Variants in DPYSL3 observed in about 807,000 individuals in gnomAD.
DPYSL3 encodes the protein dihydropyrimidinase-related protein 3.
Under a neutral mutation model 66.1 loss-of-function variants are expected in DPYSL3, and 16 were observed. The observed-to-expected ratio is 0.24, with a 90% CI of 0.16 to 0.37. DPYSL3 has a LOEUF of 0.37. Among genes scored for constraint, DPYSL3 ranks in the 10% least tolerant of loss-of-function variants. The pLI is 1.00. For synonymous variants in DPYSL3, 338 were observed against 345.1 expected (o/e 0.98, Z 0.23); for missense variants, 738 against 916.2 (o/e 0.81, Z 2.51).
intron 1 of DPYSL3, among the ~76,000 whole-genome samples, chr5:147,485,474 T>C (rs1396678443): frequency 1.3e-5 from 2 of 152,226 alleles, no homozygotes; most frequent in Non-Finnish European, 2.9e-5. Context: ...CATATGAATA[T>C]GACATTATTT....
chr5:147,460,540 G>T (rs1752916624), intron 1 of DPYSL3, among the ~76,000 whole-genome samples: 1 of 152,162 alleles, frequency 6.6e-6, no homozygotes, highest in Admixed American at 6.5e-5. Flanking sequence ...GATTATTCAG[G>T]CAGTCCCAGT....
chr5:147,488,422 C>T (rs1344076486), intron 1 of DPYSL3, among the ~76,000 whole-genome samples: 2 of 152,182 alleles, frequency 1.3e-5, no homozygotes, highest in Non-Finnish European at 2.9e-5. Context: ...ATCTCTGCCA[C>T]CATCCTTTGA....
At chr5:147,452,924 C>T (rs1432651516) in intron 1 of DPYSL3, among the ~76,000 whole-genome samples, 27 of 126,110 alleles carry the variant, frequency 2.1e-4, no homozygotes, top group African/African-American at 8.6e-4. Context: ...CACACACACA[C>T]ACATAAAGTT....
chr5:147,460,087 G>A (rs1379468957), intron 1 of DPYSL3, among the ~76,000 whole-genome samples: 1 of 151,914 alleles, frequency 6.6e-6, no homozygotes, highest in Non-Finnish European at 1.5e-5. Flanking sequence ...CTCCAGCCTG[G>A]GCGACAGAAC....
chr5:147,412,476 G>T, intron 6 of DPYSL3, 132 bp downstream of exon 6: 1 of 811,660 alleles, frequency 1.2e-6, no homozygotes, highest in Non-Finnish European at 2.0e-6. Flanking sequence ...GTACCTTGGA[G>T]CAGGTTCTGT....
At chr5:147,448,047 A>G (rs1225154665) in intron 1 of DPYSL3, among the ~76,000 whole-genome samples, 1 of 152,198 alleles carries the variant, frequency 6.6e-6, no homozygotes, top group Non-Finnish European at 1.5e-5. Flanking sequence ...AAATATGTCA[A>G]TAGGTAAAGA....
At chr5:147,412,264 G>C (rs753055109) in intron 6 of DPYSL3, among the ~76,000 whole-genome samples, 3 of 152,220 alleles carry the variant, frequency 2.0e-5, no homozygotes, top group Non-Finnish European at 4.4e-5. Context: ...CTTTATGACA[G>C]AGAATGTCTT....
intron 1 of DPYSL3, chr5:147,453,412 C>T (rs1168989850): frequency 9.1e-6 from 12 of 1,311,726 alleles, no homozygotes; most frequent in Middle Eastern, 2.8e-4. Flanking sequence ...CGCCGCGCTC[C>T]GCCACCCGGA....
chr5:147,443,185 A>G (rs1752565993), intron 1 of DPYSL3, among the ~76,000 whole-genome samples: 1 of 152,232 alleles, frequency 6.6e-6, no homozygotes. Flanking sequence ...TACTATAAAG[A>G]CACATGCACA....
At position 147,412,646 on chromosome 5, in the gene DPYSL3, C is replaced by T. The variant is rs775095992; in HGVS notation, c.925G>A (p.Ala309Thr). 1 of 1,612,992 alleles carries T rather than the reference C, an allele frequency of 6.2e-7. No homozygotes were observed. The highest frequency in any genetic ancestry group is 8.5e-7 in the Non-Finnish European group (1 of 1,179,584). Reference sequence around the variant, plus strand: ...TCCCCATTCTCAGCATGAACTTGAGCAATGGCCCCCAGCTCTCCCAGGCAG... The same window carrying T: ...TCCCCATTCTCAGCATGAACTTGAGTAATGGCCCCCAGCTCTCCCAGGCAG... ...FTCLGELGAIAQVHAENGDII... is the reference protein window; with the variant it reads ...FTCLGELGAITQVHAENGDII... The change falls in exon 6 of 14, where the codon GCT becomes ACT. Residue 309 changes from alanine (A) to threonine (T), a missense_variant. Coordinates refer to ENST00000343218, the MANE Select transcript of DPYSL3 (RefSeq NM_001197294.2).
intron 1 of DPYSL3, among the ~76,000 whole-genome samples, chr5:147,469,834 G>T (rs965392306): frequency 2.0e-5 from 3 of 152,152 alleles, no homozygotes; most frequent in African/African-American, 7.2e-5. Flanking sequence ...CTGCATACAG[G>T]ATGTTTCCAC....
intron 1 of DPYSL3, among the ~76,000 whole-genome samples, chr5:147,504,078 A>C (rs1379022821): frequency 6.6e-6 from 1 of 152,228 alleles, no homozygotes; most frequent in East Asian, 1.9e-4. Flanking sequence ...CTCCTCAGAC[A>C]GATTTCCTCT....
At chr5:147,413,344 G>T (rs531576557) in intron 5 of DPYSL3, among the ~76,000 whole-genome samples, 9 of 152,296 alleles carry the variant, frequency 5.9e-5, no homozygotes, top group Admixed American at 5.9e-4. Flanking sequence ...GGAAATTTAG[G>T]CATGTTCCTC....
At chr5:147,462,513 A>C (rs2126412028) in intron 1 of DPYSL3, among the ~76,000 whole-genome samples, 1 of 152,274 alleles carries the variant, frequency 6.6e-6, no homozygotes, top group Non-Finnish European at 1.5e-5. Context: ...CAGGGGCCTG[A>C]TATCTCAGAT....
At chr5:147,502,571 CTTTTTTTTTTT>C (rs71001435) in intron 1 of DPYSL3, among the ~76,000 whole-genome samples, 13 of 95,202 alleles carry the variant, frequency 1.4e-4, no homozygotes, top group African/African-American at 5.8e-4. Flanking sequence ...CTTAATAATG[CTTTTTTTTTTT>C]TTTTTTTTTT....
chr5:147,438,533 C>T (rs1752457212), intron 1 of DPYSL3, among the ~76,000 whole-genome samples: 1 of 152,186 alleles, frequency 6.6e-6, no homozygotes, highest in Non-Finnish European at 1.5e-5. Context: ...CGGCAAAGAC[C>T]ATGTTAACAT....
chr5:147,430,060 A>C (rs984877791), intron 1 of DPYSL3, among the ~76,000 whole-genome samples: 1 of 152,172 alleles, frequency 6.6e-6, no homozygotes, highest in Non-Finnish European at 1.5e-5. Flanking sequence ...TAACCATAAA[A>C]AACTCAGTGC....
At chr5:147,458,572 T>C (rs2126406985) in intron 1 of DPYSL3, among the ~76,000 whole-genome samples, 1 of 152,310 alleles carries the variant, frequency 6.6e-6, no homozygotes, top group East Asian at 1.9e-4. Flanking sequence ...AATTCTTTCT[T>C]GCACAAGATC....
Position 147,509,848 on chromosome 5 carries a change from C to T in DPYSL3, c.11G>A (p.Gly4Asp), listed in dbSNP as rs1753734811. Reference sequence around the variant, plus strand: ...GTGGGAGCTGTCCCAGCCCCTCCGGCCCGAGGCCATGGTTCAAGCACGAAA... The same window carrying T: ...GTGGGAGCTGTCCCAGCCCCTCCGGTCCGAGGCCATGGTTCAAGCACGAAA... MASGRRGWDSSHED... is the reference protein window; with the variant it reads MASDRRGWDSSHED... Residue 4 changes from glycine to aspartate, a missense_variant, in exon 1 of 14, where the codon GGC becomes GAC. Coordinates refer to ENST00000343218, the MANE Select transcript of DPYSL3 (RefSeq NM_001197294.2). This position sits in a 1 kb window ranked among gnomAD's most constrained non-coding sequence, Gnocchi z 5.3. 6.5e-7 allele frequency: 1 copy of T among 1,528,774 alleles called. No individual in the cohort carries two copies. The highest frequency in any genetic ancestry group is 8.8e-7 in the Non-Finnish European group (1 of 1,141,676). 94.7% of individuals were successfully genotyped at this position (1,528,774 alleles called of 1,614,324 possible). A position where few individuals can be genotyped will look rare whatever the true frequency, so the allele number is the denominator to read the frequency against.
Sources: gnomAD v4.1 joint callset for allele counts (sites outside exome capture counted in the v4.1 genomes callset) on GRCh38, gnomAD v4.1.1 for gene constraint, Gnocchi (gnomAD v3.1) non-coding constraint, MANE v1.5 for transcripts, NCBI Gene and HGNC (gene_info 2026-07-23, HGNC 2026-07-21) for gene names.